The following ADAM22 variants were observed in gnomAD, a reference collection of about 807,000 sequenced individuals.
ADAM22 encodes ADAM metallopeptidase domain 22, also known as disintegrin and metalloproteinase domain-containing protein 22.
In ADAM22, 65 loss-of-function variants were observed where a neutral mutation model predicts 144.6. The ratio of observed to expected loss-of-function variants is 0.45; its 90% CI spans 0.37 to 0.55. ADAM22 has a LOEUF of 0.55. Ranked by LOEUF, ADAM22 falls within the 20% of genes least tolerant of loss-of-function variation. ADAM22 has a pLI of 0.00. For synonymous variants in ADAM22, 391 were observed against 412.6 expected (o/e 0.95, Z 0.63); for missense variants, 974 against 1,184.9 (o/e 0.82, Z 2.61).
rs965716612 is a variant in ADAM22, at chr7:88,141,064, A to G, written c.1221-1962A>G. Among the ~76,000 whole-genome samples the G allele has an allele frequency of 5.3e-5, 8 of 152,174 alleles. No homozygotes were observed. In the East Asian group the frequency reaches 1.5e-3, roughly 29 times the overall value. On this transcript the variant is annotated intron_variant, in intron 14 of 31. Transcript: ENST00000413139. ...AGCACATAGGTTTCAAGTTATAGTAATGAAGCTATGGTTCCTCCCGTGGTG... is the reference window on the plus strand; with the variant it reads ...AGCACATAGGTTTCAAGTTATAGTAGTGAAGCTATGGTTCCTCCCGTGGTG...
chr7:88,103,334 C>T (rs1282437614), intron 4 of ADAM22, among the ~76,000 whole-genome samples: 2 of 151,944 alleles, frequency 1.3e-5, no homozygotes, highest in Non-Finnish European at 2.9e-5. Context: ...ATAATAAATT[C>T]TATTTTTCCT....
chr7:88,128,300 AT>A (rs913460466), intron 8 of ADAM22, among the ~76,000 whole-genome samples: 8 of 152,190 alleles, frequency 5.3e-5, no homozygotes, highest in African/African-American at 1.9e-4. Context: ...GTGCAGAAGT[AT>A]TTTTGGAAGG....
At chr7:87,949,529 A>G (rs1028237127) in intron 2 of ADAM22, among the ~76,000 whole-genome samples, 2 of 152,172 alleles carry the variant, frequency 1.3e-5, no homozygotes, top group Non-Finnish European at 2.9e-5. Flanking sequence ...CGCTGCCTGG[A>G]GCTGCATTTT....
Position 88,199,922 on chromosome 7 carries a change from G to A in ADAM22, c.*3431G>A, listed in dbSNP as rs138316023. On this transcript the variant is annotated 3_prime_UTR_variant, in exon 32 of 32. Transcript: ENST00000413139. The stretch of plus-strand genomic sequence containing the variant: ...CATTAATAGGATTTCTAAAGAAGTT[G>A]TCAGAAAGACAAAATTGGATATTCT... The A allele has an allele frequency of 6.8e-4, 104 of 152,014 alleles. 1 individual carries two copies. The highest frequency in any genetic ancestry group is 2.4e-3 in the African/African-American group (100 of 41,278). The allele number at this position is 152,014 out of a possible 1,614,324, so 9.4% of individuals were successfully genotyped here. A position where few individuals can be genotyped will look rare whatever the true frequency, so the allele number is the denominator to read the frequency against.
chr7:88,011,694 T>G (rs181609198), intron 3 of ADAM22, among the ~76,000 whole-genome samples: 1 of 152,228 alleles, frequency 6.6e-6, no homozygotes, highest in East Asian at 1.9e-4. Flanking sequence ...CATCTCACTC[T>G]GTAAGGTGTT....
intron 3 of ADAM22, among the ~76,000 whole-genome samples, chr7:88,032,861 T>A (rs1487499223): frequency 6.6e-6 from 1 of 152,328 alleles, no homozygotes; most frequent in East Asian, 1.9e-4. Context: ...CCTGTCTCTC[T>A]CTTGCTAGCC....
intron 3 of ADAM22, among the ~76,000 whole-genome samples, chr7:88,056,932 G>T (rs1330008135): frequency 2.6e-5 from 4 of 152,072 alleles, no homozygotes; most frequent in Admixed American, 6.6e-5. Flanking sequence ...CCAGTTTTAG[G>T]AGTGATTATG....
intron 3 of ADAM22, among the ~76,000 whole-genome samples, chr7:88,017,439 G>A (rs1278138739): frequency 6.6e-6 from 1 of 152,090 alleles, no homozygotes; most frequent in African/African-American, 2.4e-5. Flanking sequence ...GTACTATGCT[G>A]TGTCAGTAAC....
chr7:88,113,703 A>AATGTTTATATAT (rs1554478727), intron 5 of ADAM22, among the ~76,000 whole-genome samples: 1 of 48,106 alleles, frequency 2.1e-5, no homozygotes, highest in African/African-American at 8.0e-5. Context: ...TAAATAAATA[A>AATGTTTATATAT]ATATATATAT....
chr7:88,111,494 A>G (rs567364544), intron 5 of ADAM22, among the ~76,000 whole-genome samples: 1 of 152,338 alleles, frequency 6.6e-6, no homozygotes, highest in Admixed American at 6.5e-5. Context: ...AAGGACTAAT[A>G]GGCAATGTTT....
intron 3 of ADAM22, among the ~76,000 whole-genome samples, chr7:87,981,810 A>C (rs1853508177): frequency 6.6e-6 from 1 of 152,020 alleles, no homozygotes; most frequent in African/African-American, 2.4e-5. Context: ...AGTGTGGCTG[A>C]TGATGATGAT....
chr7:87,993,909 T>C (rs1468827756), intron 3 of ADAM22, among the ~76,000 whole-genome samples: 1 of 152,200 alleles, frequency 6.6e-6, no homozygotes, highest in East Asian at 1.9e-4. Context: ...CAAAGAGTTA[T>C]TTGAGCCCAT....
chr7:88,191,038 C>T (rs1849511454), intron 30 of ADAM22, among the ~76,000 whole-genome samples: 1 of 152,200 alleles, frequency 6.6e-6, no homozygotes, highest in Non-Finnish European at 1.5e-5. Context: ...GGACCCTTTC[C>T]CCTGCTAAAA....
chr7:88,061,989 G>A (rs1238663341), intron 3 of ADAM22, among the ~76,000 whole-genome samples: 2 of 151,816 alleles, frequency 1.3e-5, no homozygotes, highest in Non-Finnish European at 2.9e-5. Flanking sequence ...CTACAGGTGT[G>A]TACCACCACA....
At chr7:88,092,448 A>T (rs1820156599) in intron 4 of ADAM22, among the ~76,000 whole-genome samples, 1 of 152,206 alleles carries the variant, frequency 6.6e-6, no homozygotes, top group Admixed American at 6.5e-5. Flanking sequence ...ATGTAACATC[A>T]GTTATTCCAG....
chr7:88,157,951 C>T (rs112792500), intron 22 of ADAM22, among the ~76,000 whole-genome samples: 4 of 152,020 alleles, frequency 2.6e-5, no homozygotes, highest in African/African-American at 9.6e-5. Context: ...TAAAAGGCAC[C>T]AGAGTGACAA....
intron 14 of ADAM22, among the ~76,000 whole-genome samples, chr7:88,141,187 T>G (rs912330293): frequency 4.6e-5 from 7 of 152,314 alleles, no homozygotes; most frequent in African/African-American, 1.7e-4. Context: ...GTGACCACAT[T>G]CCACACAAAG....
chr7:88,076,184 C>A (rs1814433067), intron 4 of ADAM22, among the ~76,000 whole-genome samples: 2 of 151,876 alleles, frequency 1.3e-5, no homozygotes, highest in Non-Finnish European at 2.9e-5. Context: ...ATTACAGGCG[C>A]CTGCCACCAC....
intron 7 of ADAM22, 26 bp downstream of exon 7, chr7:88,116,840 T>C: frequency 1.3e-6 from 2 of 1,534,946 alleles, no homozygotes; most frequent in Non-Finnish European, 1.8e-6. Context: ...AGTGACTTTT[T>C]ATCTAAAAGA....
Sources: gnomAD v4.1 joint callset for allele counts (sites outside exome capture counted in the v4.1 genomes callset) on GRCh38, gnomAD v4.1.1 for gene constraint, MANE v1.5 for transcripts, NCBI Gene and HGNC (gene_info 2026-07-23, HGNC 2026-07-21) for gene names.